The following RPLP1 variants were observed in gnomAD, a reference collection of about 807,000 sequenced individuals.
RPLP1 encodes large ribosomal subunit protein P1.
Under a neutral mutation model 11.6 loss-of-function variants are expected in RPLP1, and 4 were observed. That is an observed-to-expected ratio of 0.34 (90% CI 0.17 to 0.79). The LOEUF (loss-of-function observed/expected upper bound fraction) is 0.79. Ranked by LOEUF, RPLP1 falls within the 30% of genes least tolerant of loss-of-function variation. The pLI is 0.55. For synonymous variants in RPLP1, 54 were observed against 52.2 expected, an observed-to-expected ratio of 1.03 and a Z score of -0.15; for missense variants, 133 against 142.8, an observed-to-expected ratio of 0.93 and a Z score of 0.35.
intron 2 of RPLP1, 79 bp downstream of exon 2, chr15:69,453,800 G>C: frequency 6.8e-7 from 1 of 1,477,322 alleles, no homozygotes; most frequent in Non-Finnish European, 9.5e-7. Flanking sequence ...AGTACCCCCA[G>C]CGGTGCCATA....
At chr15:69,455,011 T>G in intron 2 of RPLP1, 159 bp from the exon 3 acceptor site, 6 of 1,083,516 alleles carry the variant, frequency 5.5e-6, no homozygotes, top group Non-Finnish European at 7.6e-6. Flanking sequence ...CACATGCTTA[T>G]TTTTCCACTG....
Position 69,455,455 on chromosome 15 carries a change from A to G in RPLP1, c.293A>G (p.Lys98Arg), listed in dbSNP as rs1274646650. ...GAGGAGAAGAAAGTGGAAGCAAAGAAAGAAGAATCCGAGGAGTCTGATGAT... is the reference window on the plus strand; with the variant it reads ...GAGGAGAAGAAAGTGGAAGCAAAGAGAGAAGAATCCGAGGAGTCTGATGAT... The part of the protein sequence containing the change: ...PAEEKKVEAK[K>R]EESEESDDDM... The change falls in exon 4 of 4, where the codon AAA becomes AGA. Residue 98 changes from lysine (K) to arginine (R), a missense_variant. Lys to Arg is a conservative substitution (Grantham distance 26). Coordinates refer to ENST00000260379, the MANE Select transcript of RPLP1 (RefSeq NM_001003.3). The G allele has an allele frequency of 6.2e-7, 1 of 1,611,824 alleles. No individual in the cohort carries two copies. The highest frequency in any genetic ancestry group is 8.5e-7 in the Non-Finnish European group (1 of 1,179,704).
At chr15:69,453,091 G>C (rs912702794) in intron 1 of RPLP1, 71 bp downstream of exon 1, 248 of 1,380,786 alleles carry the variant, frequency 1.8e-4, no homozygotes, top group Non-Finnish European at 2.4e-4. Context: ...TGCGGTTCCC[G>C]GCTCCAGGCC....
In RPLP1 at chr15:69,452,844, G is replaced by T. The variant is rs1596036870; in HGVS notation, c.-105G>T. ...CCCTTTCCTCAGCTGCCGCCAAGGT[G>T]CTCGGTCCTTCCGAGGAAGCTAAGG... On this transcript the variant is annotated 5_prime_UTR_variant, in exon 1 of 4. Coordinates refer to ENST00000260379, the MANE Select transcript of RPLP1 (RefSeq NM_001003.3). 3 of 1,067,130 alleles carry T rather than the reference G, an allele frequency of 2.8e-6. No homozygotes were observed. Among genetic ancestry groups the T allele is most frequent in the Admixed American group, 2.0e-5 (1 of 49,984 alleles). 66.1% of individuals were successfully genotyped at this position (1,067,130 alleles called of 1,614,324 possible). A position where few individuals can be genotyped will look rare whatever the true frequency, so the allele number is the denominator to read the frequency against.
intron 1 of RPLP1, chr15:69,453,313 C>G: frequency 1.7e-6 from 1 of 577,298 alleles, no homozygotes; most frequent in Non-Finnish European, 3.1e-6. Flanking sequence ...GGCACCCTGA[C>G]CCGTGCCTCG....
Position 69,455,704 on chromosome 15 carries a change from G to T in RPLP1, c.*197G>T. ...AGACAATCCTGATGCTAACAAGAAG[G>T]CACCTCATGGTACAGTGTTGAAAAC... On this transcript the variant is annotated 3_prime_UTR_variant, in exon 4 of 4. Transcript: ENST00000260379. 2 of 583,802 alleles carry T rather than the reference G, an allele frequency of 3.4e-6. No individual in the cohort carries two copies. Among genetic ancestry groups the T allele is most frequent in the South Asian group, 4.2e-5 (2 of 48,018 alleles). The allele number at this position is 583,802 out of a possible 1,614,324, so 36.2% of individuals were successfully genotyped here.
chr15:69,455,403 C>T, intron 3 of RPLP1, 25 bp from the exon 4 acceptor site: 5 of 1,595,368 alleles, frequency 3.1e-6, no homozygotes, highest in Non-Finnish European at 3.4e-6. Flanking sequence ...GAAATCCTAA[C>T]ACCTGATTGA....
chr15:69,453,707 G>A lies in RPLP1; in HGVS notation c.133G>A (p.Gly45Ser). ...AGVNVEPFWP[G>S]LFAKALANVN... ...TGTAAATGTTGAGCCTTTTTGGCCT[G>A]GCTTGTTTGCAAAGGTAAGGTGATG... The change falls in exon 2 of 4, where the codon GGC becomes AGC. Residue 45 changes from glycine (G) to serine (S), a missense_variant. Gly to Ser is a moderately conservative substitution (Grantham distance 56). Transcript: ENST00000260379. The A allele has an allele frequency of 6.2e-7, 1 of 1,614,154 alleles. No homozygotes were observed. The highest frequency in any genetic ancestry group is 8.5e-7 in the Non-Finnish European group (1 of 1,180,028).
At chr15:69,453,042 C>CGGGCATGGAGTGCGCTTGA in intron 1 of RPLP1, 22 bp downstream of exon 1, 1 of 1,548,572 alleles carries the variant, frequency 6.5e-7, no homozygotes, top group Non-Finnish European at 8.7e-7. Flanking sequence ...CGCGGGCCGG[C>CGGGCATGGAGTGCGCTTGA]GGCCGGGCTG....
chr15:69,453,444 G>C, intron 1 of RPLP1: 1 of 621,824 alleles, frequency 1.6e-6, no homozygotes, highest in Non-Finnish European at 2.8e-6. Flanking sequence ...AAAAATAGCC[G>C]CGTGACTCAG....
In RPLP1 at chr15:69,453,664, C is replaced by G; in HGVS notation, c.90C>G (p.Ala30=). The G allele has an allele frequency of 6.2e-7, 1 of 1,614,004 alleles. No individual in the cohort carries two copies. The highest frequency in any genetic ancestry group is 8.5e-7 in the Non-Finnish European group (1 of 1,179,924). Residue 30 remains alanine, a synonymous_variant, in exon 2 of 4, where the codon GCC becomes GCG. Transcript: ENST00000260379. ...TGTTGTAGGAGGATAAGATCAATGC[C>G]CTCATTAAAGCAGCCGGTGTAAATG... The part of the protein sequence containing the change: ...EVTVTEDKIN[A]LIKAAGVNVE...
In RPLP1 at chr15:69,455,466, G is replaced by A. The variant is rs777960502; in HGVS notation, c.304G>A (p.Glu102Lys). ...AGTGGAAGCAAAGAAAGAAGAATCC[G>A]AGGAGTCTGATGATGACATGGGCTT... ...KKVEAKKEES[E>K]ESDDDMGFGL... Residue 102 changes from glutamate to lysine, a missense_variant, in exon 4 of 4, where the codon GAG becomes AAG. Physicochemically the swap from Glu to Lys is moderately conservative, Grantham distance 56 (BLOSUM62 1). Coordinates refer to ENST00000260379, the MANE Select transcript of RPLP1 (RefSeq NM_001003.3). The A allele has an allele frequency of 3.1e-6, 5 of 1,611,096 alleles. No individual in the cohort carries two copies. Among genetic ancestry groups the A allele is most frequent in the Admixed American group, 1.7e-5 (1 of 59,722 alleles).
Position 69,454,021 on chromosome 15 carries a change from C to T in RPLP1, c.147+300C>T, listed in dbSNP as rs2140435788. On this transcript the variant is annotated intron_variant, in intron 2 of 3. Transcript: ENST00000260379. ...GATAGGTACTACGCATGTTAAGTTGCAAGCAAATTCTTTTTCTTTTTCTTT... is the reference window on the plus strand; with the variant it reads ...GATAGGTACTACGCATGTTAAGTTGTAAGCAAATTCTTTTTCTTTTTCTTT... 1.8e-5 allele frequency: 7 copies of T among 393,634 alleles called. 1 individual carries two copies. Among genetic ancestry groups the T allele is most frequent in the Non-Finnish European group, 2.7e-5 (6 of 219,612 alleles). 24.4% of individuals were successfully genotyped at this position (393,634 alleles called of 1,614,324 possible).
chr15:69,455,138 GGCGTTT>G (rs1296927165), intron 2 of RPLP1, 26 bp from the exon 3 acceptor site: 1 of 1,532,082 alleles, frequency 6.5e-7, no homozygotes, highest in Non-Finnish European at 8.7e-7. Context: ...GACAGAACTG[GGCGTTT>G]ACCTATGCAT....
rs1025901530 is a variant in RPLP1, at chr15:69,455,708, C to T, written c.*201C>T. On this transcript the variant is annotated 3_prime_UTR_variant, in exon 4 of 4. Transcript: ENST00000260379. ...AATCCTGATGCTAACAAGAAGGCAC[C>T]TCATGGTACAGTGTTGAAAACTGCA... The T allele has an allele frequency of 4.5e-5, 26 of 581,878 alleles. No homozygotes were observed. Among genetic ancestry groups the T allele is most frequent in the Non-Finnish European group, 7.3e-5 (24 of 329,870 alleles). The allele number at this position is 581,878 out of a possible 1,614,324, so 36.0% of individuals were successfully genotyped here.
At position 69,455,556 on chromosome 15, in the gene RPLP1, G is replaced by C; in HGVS notation, c.*49G>C. ...AAAAAGCTGAACTTTACTGCTGTTGGTCTTGTCCATAGTTTTGGAATGTGC... is the reference window on the plus strand; with the variant it reads ...AAAAAGCTGAACTTTACTGCTGTTGCTCTTGTCCATAGTTTTGGAATGTGC... On this transcript the variant is annotated 3_prime_UTR_variant, in exon 4 of 4. Transcript: ENST00000260379. 2.9e-6 allele frequency: 4 copies of C among 1,391,764 alleles called. No individual in the cohort carries two copies. Among genetic ancestry groups the C allele is most frequent in the Non-Finnish European group, 4.0e-6 (4 of 1,008,058 alleles). 86.2% of individuals were successfully genotyped at this position (1,391,764 alleles called of 1,614,324 possible). A position where few individuals can be genotyped will look rare whatever the true frequency, so the allele number is the denominator to read the frequency against.
chr15:69,453,577 G>T, intron 1 of RPLP1, 70 bp from the exon 2 acceptor site: 2 of 1,487,608 alleles, frequency 1.3e-6, no homozygotes, highest in Non-Finnish European at 1.9e-6. Context: ...CACTTATTGA[G>T]TGACGTGCAG....
intron 2 of RPLP1, 185 bp downstream of exon 2, chr15:69,453,906 T>C: frequency 1.7e-6 from 1 of 600,682 alleles, no homozygotes; most frequent in South Asian, 2.1e-5. Flanking sequence ...TTACGTTTCC[T>C]TATCAGACTC....
chr15:69,453,658 C>T lies in RPLP1; in HGVS notation c.84C>T (p.Ile28=), dbSNP rs760867309. Residue 28 remains isoleucine, a synonymous_variant, in exon 2 of 4, where the codon ATC becomes ATT. Coordinates refer to ENST00000260379, the MANE Select transcript of RPLP1 (RefSeq NM_001003.3). The part of the protein sequence containing the change: ...DDEVTVTEDK[I]NALIKAAGVN... ...TTTATTTGTTGTAGGAGGATAAGAT[C>T]AATGCCCTCATTAAAGCAGCCGGTG... 13 of 1,613,908 alleles carry T rather than the reference C, an allele frequency of 8.1e-6. No homozygotes were observed. The East Asian group carries it at 1.8e-4, about 22-fold the overall frequency.
Sources: gnomAD v4.1 joint callset for allele counts on GRCh38, gnomAD v4.1.1 for gene constraint, MANE v1.5 for transcripts, NCBI Gene and HGNC (gene_info 2026-07-23, HGNC 2026-07-21) for gene names.